The following TCAIM variants were observed in gnomAD, a reference collection of about 807,000 sequenced individuals.
TCAIM encodes the protein T cell activation inhibitor, mitochondrial, also known as T-cell activation inhibitor, mitochondrial.
In TCAIM, 36 loss-of-function variants were observed where a neutral mutation model predicts 58.6. The ratio of observed to expected loss-of-function variants is 0.61; its 90% CI spans 0.47 to 0.81. TCAIM has a LOEUF of 0.81. TCAIM is among the 30% of genes least tolerant of loss of function. TCAIM has a pLI of 0.00. For missense variants in TCAIM, 466 were observed against 579.6 expected (o/e 0.80, Z 2.01); for synonymous variants, 172 against 193.6 (o/e 0.89, Z 0.93).
chr3:44,407,095 C>T (rs1409015994), intron 10 of TCAIM, among the ~76,000 whole-genome samples: 1 of 152,156 alleles, frequency 6.6e-6, no homozygotes, highest in African/African-American at 2.4e-5. Context: ...GGTCCTAAAA[C>T]TAGGGGTTTT....
rs200065952 is a variant in TCAIM, at chr3:44,358,208, T to G, written c.165+332T>G. On this transcript the variant is annotated intron_variant, in intron 3 of 10. Transcript: ENST00000342649. ...CATGATCAATCTCTCTCTCTTTTTT[T>G]TTTTTAAGGATGATACATGGAAGAG... 108 of 1,572,236 alleles carry G rather than the reference T, an allele frequency of 6.9e-5. 1 individual carries two copies. The East Asian group carries it at 2.4e-3, about 35-fold the overall frequency.
At chr3:44,377,117 C>T (rs545826440) in intron 5 of TCAIM, among the ~76,000 whole-genome samples, 91 of 152,116 alleles carry the variant, frequency 6.0e-4, no homozygotes, top group African/African-American at 1.8e-3. Flanking sequence ...TAATAAAACA[C>T]ATGATTCAAC....
chr3:44,401,601 A>G (rs1702022538), intron 10 of TCAIM, among the ~76,000 whole-genome samples: 1 of 152,240 alleles, frequency 6.6e-6, no homozygotes, highest in Non-Finnish European at 1.5e-5. Flanking sequence ...CCAGATGGAA[A>G]AGACTGACAA....
Position 44,407,672 on chromosome 3 carries a change from C to T in TCAIM, c.1481C>T (p.Ala494Val). 1 of 1,588,914 alleles carries T rather than the reference C, an allele frequency of 6.3e-7. No individual in the cohort carries two copies. Among genetic ancestry groups the T allele is most frequent in the Non-Finnish European group, 8.5e-7 (1 of 1,171,652 alleles). The change falls in exon 11 of 11, where the codon GCC (alanine) becomes GTC (valine). Residue 494 changes from alanine to valine, a missense_variant. Coordinates refer to ENST00000342649, the MANE Select transcript of TCAIM (RefSeq NM_173826.4). The part of the protein sequence containing the change: ...CIPWNWKNGE[A>V]IK ...CCTTGGAATTGGAAGAATGGAGAAG[C>T]CATTAAGTAACACAGAAATCTGTTT...
At chr3:44,355,418 C>G (rs1339247927) in intron 2 of TCAIM, among the ~76,000 whole-genome samples, 2 of 152,096 alleles carry the variant, frequency 1.3e-5, no homozygotes, top group African/African-American at 4.8e-5. Flanking sequence ...AAATACCAGA[C>G]TAAGGAGTGG....
chr3:44,364,286 A>C (rs971155227), intron 4 of TCAIM, among the ~76,000 whole-genome samples: 1 of 152,148 alleles, frequency 6.6e-6, no homozygotes, highest in Admixed American at 6.5e-5. Flanking sequence ...TAAACTAGAA[A>C]TGGGAGAAAA....
intron 8 of TCAIM, among the ~76,000 whole-genome samples, chr3:44,399,264 A>G (rs1302413347): frequency 6.6e-6 from 1 of 152,358 alleles, no homozygotes; most frequent in African/African-American, 2.4e-5. Flanking sequence ...AGTGAAAGGT[A>G]TATGAATCTA....
chr3:44,367,156 C>G (rs1227879897), intron 4 of TCAIM, among the ~76,000 whole-genome samples: 1 of 152,152 alleles, frequency 6.6e-6, no homozygotes, highest in South Asian at 2.1e-4. Flanking sequence ...TATTCTAAAT[C>G]CCCTTGGTGG....
rs371390552 is a variant in TCAIM, at chr3:44,409,352, C to A, written c.*1670C>A. 1.3e-5 allele frequency: 2 copies of A among 152,064 alleles called. No homozygotes were observed. The highest frequency in any genetic ancestry group is 2.9e-5 in the Non-Finnish European group (2 of 68,006). The allele number at this position is 152,064 out of a possible 1,614,324, so 9.4% of individuals were successfully genotyped here. A position where few individuals can be genotyped will look rare whatever the true frequency, so the allele number is the denominator to read the frequency against. On this transcript the variant is annotated 3_prime_UTR_variant, in exon 11 of 11. Coordinates refer to ENST00000342649, the MANE Select transcript of TCAIM (RefSeq NM_173826.4). ...ATTAGAAAATCAGCTTTGGATTATA[C>A]GATTTCTAAAATATACTAATACAGA...
At chr3:44,360,779 T>C (rs532309044) in intron 3 of TCAIM, among the ~76,000 whole-genome samples, 8 of 152,160 alleles carry the variant, frequency 5.3e-5, no homozygotes, top group African/African-American at 1.9e-4. Context: ...CTAATTTTTG[T>C]ATTTTTTGTA....
chr3:44,372,225 A>G (rs1363683734), intron 5 of TCAIM, among the ~76,000 whole-genome samples: 1 of 152,338 alleles, frequency 6.6e-6, no homozygotes, highest in East Asian at 1.9e-4. Flanking sequence ...ATGTATAGCA[A>G]GAGAAAACTG....
intron 8 of TCAIM, among the ~76,000 whole-genome samples, chr3:44,399,111 T>C (rs1331489412): frequency 6.6e-6 from 1 of 152,192 alleles, no homozygotes; most frequent in African/African-American, 2.4e-5. Context: ...TCTGTACACA[T>C]ATAATAAAAT....
intron 5 of TCAIM, among the ~76,000 whole-genome samples, chr3:44,381,074 T>G (rs1461421256): frequency 6.6e-6 from 1 of 152,084 alleles, no homozygotes; most frequent in African/African-American, 2.4e-5. Context: ...CTCAAACTTT[T>G]CAAAAAGAAA....
At position 44,367,626 on chromosome 3, in the gene TCAIM, G is replaced by A. The variant is rs1186746218; in HGVS notation, c.490G>A (p.Asp164Asn). ...KRMPDRPIKW[D>N]KSYYSFTGFK... ...GATGCCTGACAGGCCCATCAAATGGGACAAGTCTTATTACTCCTTTACTGG... is the reference window on the plus strand; with the variant it reads ...GATGCCTGACAGGCCCATCAAATGGAACAAGTCTTATTACTCCTTTACTGG... The change falls in exon 5 of 11, where the codon GAC becomes AAC. Residue 164 changes from aspartate to asparagine, a missense_variant. Asp to Asn is a conservative substitution (Grantham distance 23). Transcript: ENST00000342649. 3 of 1,614,092 alleles carry A rather than the reference G, an allele frequency of 1.9e-6. No homozygotes were observed. Among genetic ancestry groups the A allele is most frequent in the Non-Finnish European group, 2.5e-6 (3 of 1,180,006 alleles).
intron 5 of TCAIM, 128 bp downstream of exon 5, chr3:44,367,836 T>C: frequency 1.1e-6 from 1 of 950,912 alleles, no homozygotes. Context: ...TAAAACCTAA[T>C]TTTCCAGGAA....
chr3:44,399,720 A>G (rs1323102161), intron 8 of TCAIM, among the ~76,000 whole-genome samples: 1 of 152,160 alleles, frequency 6.6e-6, no homozygotes, highest in East Asian at 1.9e-4. Context: ...AATGTTTAAG[A>G]TTGATTAAAT....
At chr3:44,372,158 G>A (rs1453939621) in intron 5 of TCAIM, among the ~76,000 whole-genome samples, 1 of 152,148 alleles carries the variant, frequency 6.6e-6, no homozygotes, top group Non-Finnish European at 1.5e-5. Flanking sequence ...GGCCAACTGC[G>A]GGACCTGAGT....
chr3:44,351,858 A>G (rs1190821848), intron 1 of TCAIM, among the ~76,000 whole-genome samples: 6 of 152,146 alleles, frequency 3.9e-5, no homozygotes, highest in African/African-American at 1.4e-4. Context: ...CTCTTGCCAC[A>G]TCAGTCAACC....
chr3:44,372,036 A>C (rs570759907), intron 5 of TCAIM, among the ~76,000 whole-genome samples: 2 of 146,606 alleles, frequency 1.4e-5, no homozygotes, highest in Non-Finnish European at 3.0e-5. Context: ...GAAGGAAGGA[A>C]GGAAGGAAGG....
Sources: gnomAD v4.1 joint callset for allele counts (sites outside exome capture counted in the v4.1 genomes callset) on GRCh38, gnomAD v4.1.1 for gene constraint, MANE v1.5 for transcripts, NCBI Gene and HGNC (gene_info 2026-07-23, HGNC 2026-07-21) for gene names.